The following SCIN variants were observed in gnomAD, a reference collection of about 807,000 sequenced individuals.
The protein encoded by SCIN is scinderin.
SCIN carries 91 observed loss-of-function variants against 91.8 expected under a neutral mutation model. That is an observed-to-expected ratio of 0.99 (90% CI 0.84 to 1.18). The LOEUF (loss-of-function observed/expected upper bound fraction) is 1.18, where lower values mean the gene tolerates loss of function less well. SCIN is among the 50% of genes most tolerant of loss of function. The probability of loss-of-function intolerance (pLI) is 0.00; values close to 1 mark genes in which losing one functional copy is unlikely to be tolerated. For synonymous variants in SCIN, 367 were observed against 312.6 expected (o/e 1.17, Z -1.84); for missense variants, 1,087 against 863.9 (o/e 1.26, Z -3.24).
At chr7:12,624,844 T>C (rs907244721) in intron 5 of SCIN, among the ~76,000 whole-genome samples, 166 bp from the exon 6 acceptor site, 5 of 152,220 alleles carry the variant, frequency 3.3e-5, no homozygotes, top group African/African-American at 1.2e-4. Context: ...AACAGTTTTA[T>C]TGAGATATAA....
At chr7:12,600,288 G>A (rs887916506) in intron 3 of SCIN, among the ~76,000 whole-genome samples, 2 of 152,102 alleles carry the variant, frequency 1.3e-5, no homozygotes, top group Non-Finnish European at 2.9e-5. Flanking sequence ...ACTTATATGT[G>A]GGAGCTAAGA....
Position 12,649,471 on chromosome 7 carries a change from A to G in SCIN, c.1886A>G (p.Glu629Gly). The change falls in exon 14 of 16, where the codon GAA becomes GGA. Residue 629 changes from glutamate to glycine, a missense_variant. Physicochemically the swap from Glu to Gly is moderately conservative, Grantham distance 98. Transcript: ENST00000297029. ...ATAGCTTTTTATACCTTTCAGATTG[A>G]AGAGATTCCAGGAGAGTTCACCCAG... ...CSNKTGRFVI[E>G]EIPGEFTQDD... is the part of the protein sequence containing the mutation. The G allele has an allele frequency of 6.3e-7, 1 of 1,593,136 alleles. No homozygotes were observed. The highest frequency in any genetic ancestry group is 8.6e-7 in the Non-Finnish European group (1 of 1,168,570).
At chr7:12,620,119 G>T (rs958278386) in intron 4 of SCIN, among the ~76,000 whole-genome samples, 6 of 151,808 alleles carry the variant, frequency 4.0e-5, no homozygotes, top group Non-Finnish European at 7.4e-5. Context: ...TATACAAAAT[G>T]TGATATTTTG....
At chr7:12,634,106 G>A (rs2115284309) in intron 9 of SCIN, among the ~76,000 whole-genome samples, 1 of 152,110 alleles carries the variant, frequency 6.6e-6, no homozygotes, top group South Asian at 2.1e-4. Context: ...TGCCCAACGT[G>A]GCAGGTTATT....
chr7:12,599,738 T>C (rs188895669), intron 3 of SCIN, among the ~76,000 whole-genome samples: 7 of 152,162 alleles, frequency 4.6e-5, no homozygotes, highest in African/African-American at 1.7e-4. Flanking sequence ...TGGTATCGCA[T>C]TGTGATTTTG....
At chr7:12,598,895 C>T (rs956736221) in intron 3 of SCIN, among the ~76,000 whole-genome samples, 2 of 151,078 alleles carry the variant, frequency 1.3e-5, no homozygotes, top group African/African-American at 4.9e-5. Context: ...GTGACAAAGC[C>T]AGACTCTGTC....
intron 8 of SCIN, among the ~76,000 whole-genome samples, chr7:12,628,392 G>C (rs557819316): frequency 6.6e-6 from 1 of 152,142 alleles, no homozygotes; most frequent in Admixed American, 6.5e-5. Flanking sequence ...CTAAGCTCAA[G>C]GTTTTGATGG....
In SCIN at chr7:12,660,123, CT is replaced by C. The variant is rs1345598384; in HGVS notation, c.*7412del. 1 of 152,492 alleles carries C rather than the reference CT, an allele frequency of 6.6e-6. No individual in the cohort carries two copies. The highest frequency in any genetic ancestry group is 1.5e-5 in the Non-Finnish European group (1 of 68,284). 9.4% of individuals were successfully genotyped at this position (152,492 alleles called of 1,614,324 possible). Reference sequence around the variant, plus strand: ...AATCCCACCACCCTTTGCTGACTCTCTTTTCGGACTCAGCCCGCCTGCACCC... The same window carrying C: ...AATCCCACCACCCTTTGCTGACTCTCTTTCGGACTCAGCCCGCCTGCACCC... On this transcript the variant is annotated 3_prime_UTR_variant, in exon 16 of 16. Transcript: ENST00000297029.
Position 12,577,988 on chromosome 7 carries a change from C to G in SCIN, c.200-76C>G, listed in dbSNP as rs1782410157. 8 of 1,318,786 alleles carry G rather than the reference C, an allele frequency of 6.1e-6. No individual in the cohort carries two copies. The South Asian group carries it at 1.4e-4, about 23-fold the overall frequency. The allele number at this position is 1,318,786 out of a possible 1,614,324, so 81.7% of individuals were successfully genotyped here. ...ACATAATTGAAATGAAAATTTCTGA[C>G]TTCTTTCATATCAGAAATTCTGCCT... On this transcript the variant is annotated intron_variant, in intron 1 of 15. Coordinates refer to ENST00000297029, the MANE Select transcript of SCIN (RefSeq NM_001112706.3).
intron 4 of SCIN, among the ~76,000 whole-genome samples, chr7:12,616,998 A>C (rs1006001270): frequency 6.6e-6 from 1 of 152,180 alleles, no homozygotes; most frequent in Non-Finnish European, 1.5e-5. Flanking sequence ...ACAAAGGTAC[A>C]TTACCAAGAC....
intron 3 of SCIN, among the ~76,000 whole-genome samples, chr7:12,602,330 T>G (rs7806833): frequency 0.73 from 110,262 of 152,042 alleles, 41,289 homozygotes; most frequent in East Asian, 0.92. Context: ...GATCACATGC[T>G]TCTGAGGAAA....
Position 12,652,766 on chromosome 7 carries a change from C to A in SCIN, c.*51C>A. 6.4e-7 allele frequency: 1 copy of A among 1,567,430 alleles called. No individual in the cohort carries two copies. Among genetic ancestry groups the A allele is most frequent in the Non-Finnish European group, 8.6e-7 (1 of 1,165,254 alleles). ...ACATTACAAGGCAGTTATCTCATTG[C>A]TGTTTTGGGAGAGGAACGGGAAAAG... On this transcript the variant is annotated 3_prime_UTR_variant, in exon 16 of 16. Coordinates refer to ENST00000297029, the MANE Select transcript of SCIN (RefSeq NM_001112706.3).
At position 12,580,958 on chromosome 7, in the gene SCIN, G is replaced by A. The variant is rs1383226239; in HGVS notation, c.355-102G>A. The A allele has an allele frequency of 2.5e-6, 3 of 1,211,386 alleles. No individual in the cohort carries two copies. The African/African-American group carries it at 4.6e-5, about 19-fold the overall frequency. The allele number at this position is 1,211,386 out of a possible 1,614,324, so 75.0% of individuals were successfully genotyped here. ...AACTTGGCCTGACAGGTACAGTTTT[G>A]GCACAAACACCAGCAGTATTATTGT... On this transcript the variant is annotated intron_variant, in intron 2 of 15. Coordinates refer to ENST00000297029, the MANE Select transcript of SCIN (RefSeq NM_001112706.3).
chr7:12,618,753 G>A (rs1159455424), intron 4 of SCIN, among the ~76,000 whole-genome samples: 1 of 152,044 alleles, frequency 6.6e-6, no homozygotes, highest in Non-Finnish European at 1.5e-5. Flanking sequence ...TGCTCCCTAT[G>A]TTACACTCTA....
intron 3 of SCIN, among the ~76,000 whole-genome samples, chr7:12,584,632 T>C (rs1478174655): frequency 2.0e-5 from 3 of 152,184 alleles, no homozygotes; most frequent in Non-Finnish European, 2.9e-5. Flanking sequence ...TTAGACCCAT[T>C]GTCTCATAGT....
intron 9 of SCIN, among the ~76,000 whole-genome samples, chr7:12,632,295 A>G (rs1179225421): frequency 1.3e-5 from 2 of 151,552 alleles, no homozygotes; most frequent in Admixed American, 1.3e-4. Flanking sequence ...ATGCCCTGCT[A>G]ATTTTTTGTA....
At chr7:12,591,204 G>A (rs1394015135) in intron 3 of SCIN, among the ~76,000 whole-genome samples, 1 of 152,162 alleles carries the variant, frequency 6.6e-6, no homozygotes, top group Non-Finnish European at 1.5e-5. Context: ...GCTGGGTTGA[G>A]GGAAGCACTT....
intron 3 of SCIN, among the ~76,000 whole-genome samples, chr7:12,581,985 A>T (rs1309380950): frequency 6.6e-6 from 1 of 152,242 alleles, no homozygotes; most frequent in Non-Finnish European, 1.5e-5. Flanking sequence ...CACAGAACTT[A>T]TAAGGCTCTC....
intron 3 of SCIN, chr7:12,595,840 A>T (rs1782829380): frequency 6.6e-6 from 1 of 152,344 alleles, no homozygotes; most frequent in African/African-American, 2.4e-5. Context: ...GAAAATGTCT[A>T]AAGATGCTGG....
Sources: gnomAD v4.1 joint callset for allele counts (sites outside exome capture counted in the v4.1 genomes callset) on GRCh38, gnomAD v4.1.1 for gene constraint, MANE v1.5 for transcripts, NCBI Gene and HGNC (gene_info 2026-07-23, HGNC 2026-07-21) for gene names.